OPCML: variants seen among roughly 807,000 people sequenced by gnomAD.
OPCML encodes opioid binding protein/cell adhesion molecule like.
OPCML carries 13 observed loss-of-function variants against 37.8 expected under a neutral mutation model. The ratio of observed to expected loss-of-function variants is 0.34; its 90% CI spans 0.22 to 0.55. The LOEUF is 0.55. OPCML is among the 20% of genes least tolerant of loss of function. The pLI is 0.91. For missense variants in OPCML, 341 were observed against 435.6 expected, an observed-to-expected ratio of 0.78 and a Z score of 1.93; for synonymous variants, 176 against 168.8, an observed-to-expected ratio of 1.04 and a Z score of -0.33.
intron 1 of OPCML, among the ~76,000 whole-genome samples, chr11:133,197,325 A>G (rs1036554229): frequency 6.6e-6 from 1 of 152,178 alleles, no homozygotes; most frequent in Admixed American, 6.5e-5. Flanking sequence ...ATTGTCCTTT[A>G]TCTAAGAAAG....
intron 1 of OPCML, among the ~76,000 whole-genome samples, chr11:133,344,917 T>G (rs1943960620): frequency 6.6e-6 from 1 of 152,154 alleles, no homozygotes; most frequent in Non-Finnish European, 1.5e-5. Flanking sequence ...AGAGACACAG[T>G]TAACAAGTGA....
At chr11:133,523,328 A>G (rs1046085810) in intron 1 of OPCML, among the ~76,000 whole-genome samples, 2 of 152,162 alleles carry the variant, frequency 1.3e-5, no homozygotes, top group African/African-American at 4.8e-5. Flanking sequence ...CGCTCTTCTC[A>G]GCACTCTCCC....
At chr11:133,493,507 T>C (rs1178055273) in intron 1 of OPCML, among the ~76,000 whole-genome samples, 1 of 152,188 alleles carries the variant, frequency 6.6e-6, no homozygotes, top group Non-Finnish European at 1.5e-5. Context: ...CCCATGAATA[T>C]ATTTCAAACC....
chr11:133,241,656 T>C (rs1940734778), intron 1 of OPCML, among the ~76,000 whole-genome samples: 1 of 152,224 alleles, frequency 6.6e-6, no homozygotes, highest in Non-Finnish European at 1.5e-5. Flanking sequence ...AGATCATAGG[T>C]AATGTAGTTC....
intron 1 of OPCML, among the ~76,000 whole-genome samples, chr11:133,188,205 A>G (rs1261588485): frequency 6.6e-6 from 1 of 152,260 alleles, no homozygotes; most frequent in African/African-American, 2.4e-5. Context: ...AATTATCATT[A>G]GGACTTCATT....
intron 2 of OPCML, among the ~76,000 whole-genome samples, chr11:132,734,744 G>T (rs946164703): frequency 2.0e-5 from 3 of 152,208 alleles, no homozygotes; most frequent in Admixed American, 2.0e-4. Context: ...CTAGAAAAGA[G>T]GTGTTGCCGA....
Position 132,446,103 on chromosome 11 carries a change from C to CTTTTTTTTT in OPCML, c.506-8753_506-8745dup, listed in dbSNP as rs58784534. ...GTGTTTAGCTTGGCTCTGCTTGTGT[C>CTTTTTTTTT]TTTTTTTTTTTTTTTTTTTTTTTTT... On this transcript the variant is annotated intron_variant, in intron 4 of 7. Transcript: ENST00000524381. Among the ~76,000 whole-genome samples, 43 of 48,516 alleles carry CTTTTTTTTT rather than the reference C, an allele frequency of 8.9e-4. 7 individuals are homozygous for CTTTTTTTTT. Among genetic ancestry groups the CTTTTTTTTT allele is most frequent in the African/African-American group, 2.0e-3 (22 of 11,146 alleles). 31.8% of individuals were successfully genotyped at this position (48,516 alleles called of 152,430 possible).
chr11:133,304,667 T>C (rs1942867512), intron 1 of OPCML, among the ~76,000 whole-genome samples: 1 of 152,156 alleles, frequency 6.6e-6, no homozygotes, highest in Non-Finnish European at 1.5e-5. Flanking sequence ...CCCAAGCGTC[T>C]GGGCCAAGAT....
intron 2 of OPCML, among the ~76,000 whole-genome samples, chr11:132,799,996 A>C (rs544803232): frequency 3.9e-5 from 6 of 152,200 alleles, no homozygotes; most frequent in Non-Finnish European, 8.8e-5. Flanking sequence ...AACTTATTAA[A>C]TCTTGACCAA....
intron 2 of OPCML, among the ~76,000 whole-genome samples, chr11:132,898,787 G>A (rs1591772702): frequency 6.6e-6 from 1 of 152,184 alleles, no homozygotes; most frequent in African/African-American, 2.4e-5. Context: ...AGAGAGTAAT[G>A]TTTCCATCAG....
At chr11:133,512,549 A>G (rs2120633487) in intron 1 of OPCML, among the ~76,000 whole-genome samples, 1 of 152,246 alleles carries the variant, frequency 6.6e-6, no homozygotes, top group Non-Finnish European at 1.5e-5. Context: ...TGATTAGCTC[A>G]ACCTTCAGTC....
intron 3 of OPCML, among the ~76,000 whole-genome samples, chr11:132,632,966 A>T (rs987567621): frequency 3.3e-5 from 5 of 149,572 alleles, no homozygotes; most frequent in African/African-American, 1.2e-4. Flanking sequence ...AAAAAAAACC[A>T]TCCAGGATGA....
chr11:133,178,969 T>A lies in OPCML; in HGVS notation c.62-235959A>T, dbSNP rs1327808932. On this transcript the variant is annotated intron_variant, in intron 1 of 7. Transcript: ENST00000524381. ...AAGGGGAAAGACTCTGAACTCTGAT[T>A]TAATTTCTTTTAAGTAGGCAAAAGC... 2.0e-5 allele frequency among the ~76,000 whole-genome samples: 3 copies of A among 152,294 alleles called. No homozygotes were observed. In the East Asian group the frequency reaches 5.8e-4, roughly 29 times the overall value.
At chr11:132,873,815 CAAAT>C (rs1942907561) in intron 2 of OPCML, among the ~76,000 whole-genome samples, 1 of 146,262 alleles carries the variant, frequency 6.8e-6, no homozygotes, top group Non-Finnish European at 1.5e-5. Context: ...CAAACTAAAT[CAAAT>C]AAAAAAAATT....
intron 2 of OPCML, among the ~76,000 whole-genome samples, chr11:132,760,110 G>T (rs1184903718): frequency 1.3e-5 from 2 of 152,132 alleles, no homozygotes; most frequent in African/African-American, 4.8e-5. Flanking sequence ...GTGCAGTTTT[G>T]AGTGAGTTTC....
chr11:133,238,906 C>T (rs1268762336), intron 1 of OPCML, among the ~76,000 whole-genome samples: 1 of 152,242 alleles, frequency 6.6e-6, no homozygotes, highest in Non-Finnish European at 1.5e-5. Context: ...GTCCCTACCA[C>T]AGGCAGCCAT....
intron 2 of OPCML, among the ~76,000 whole-genome samples, chr11:132,877,194 A>G (rs1052357047): frequency 1.3e-5 from 2 of 152,204 alleles, no homozygotes; most frequent in East Asian, 1.9e-4. Context: ...TGTGAGATTC[A>G]TCTTTTCAAC....
chr11:132,904,278 G>A (rs1453736184), intron 2 of OPCML, among the ~76,000 whole-genome samples: 2 of 152,160 alleles, frequency 1.3e-5, no homozygotes, highest in South Asian at 2.1e-4. Context: ...CTATCTAATA[G>A]AGCAACAGAT....
intron 3 of OPCML, among the ~76,000 whole-genome samples, chr11:132,535,830 G>T (rs919122068): frequency 6.6e-6 from 1 of 152,150 alleles, no homozygotes; most frequent in Admixed American, 6.5e-5. Flanking sequence ...ACCTGCTTAT[G>T]GTTTGGGTGA....
Sources: gnomAD v4.1 joint callset for allele counts (sites outside exome capture counted in the v4.1 genomes callset) on GRCh38, gnomAD v4.1.1 for gene constraint, MANE v1.5 for transcripts, NCBI Gene and HGNC (gene_info 2026-07-23, HGNC 2026-07-21) for gene names.